GOLM1: variants seen among roughly 807,000 people sequenced by gnomAD.
The protein encoded by GOLM1 is epididymis luminal protein 46.
In GOLM1, 31 loss-of-function variants were observed where a neutral mutation model predicts 50.5. The observed-to-expected ratio is 0.61, with a 90% confidence interval of 0.46 to 0.83. The LOEUF is 0.83. Ranked by LOEUF, GOLM1 falls within the 40% of genes least tolerant of loss-of-function variation. The pLI, the probability that GOLM1 is intolerant of heterozygous loss-of-function variation, is 0.00. For synonymous variants in GOLM1, 178 were observed against 192.8 expected (o/e 0.92, Z 0.64); for missense variants, 491 against 501.3 (o/e 0.98, Z 0.20).
chr9:86,084,552 T>A (rs1157673213), intron 1 of GOLM1, among the ~76,000 whole-genome samples: 1 of 152,168 alleles, frequency 6.6e-6, no homozygotes, highest in Non-Finnish European at 1.5e-5. Flanking sequence ...CCAAGGTTAA[T>A]CTCTTAATTT....
chr9:86,042,918 G>A (rs1023160582), intron 5 of GOLM1, among the ~76,000 whole-genome samples: 1 of 152,178 alleles, frequency 6.6e-6, no homozygotes, highest in Non-Finnish European at 1.5e-5. Context: ...GAGGACTTAG[G>A]TTGGCTTTTT....
At chr9:86,045,695 TAC>T (rs771914212) in intron 5 of GOLM1, among the ~76,000 whole-genome samples, 81 of 147,386 alleles carry the variant, frequency 5.5e-4, no homozygotes, top group African/African-American at 1.1e-3. Context: ...AAAAAGTATA[TAC>T]ACACACACAC....
At chr9:86,041,988 G>C (rs1426540946) in intron 5 of GOLM1, among the ~76,000 whole-genome samples, 2 of 152,170 alleles carry the variant, frequency 1.3e-5, no homozygotes, top group Non-Finnish European at 1.5e-5. Context: ...ATGGTGGCGG[G>C]CTCCTGTAGT....
intron 3 of GOLM1, among the ~76,000 whole-genome samples, chr9:86,073,544 C>G (rs1834517489): frequency 6.6e-6 from 1 of 152,128 alleles, no homozygotes; most frequent in Non-Finnish European, 1.5e-5. Flanking sequence ...GTGCACAACT[C>G]CCCAGGTTGA....
At chr9:86,080,602 T>C (rs1048011179) in intron 1 of GOLM1, among the ~76,000 whole-genome samples, 2 of 152,066 alleles carry the variant, frequency 1.3e-5, no homozygotes, top group African/African-American at 4.8e-5. Flanking sequence ...TCTTTTCAGG[T>C]GGGTCACCAA....
chr9:86,048,406 G>A (rs1564345276), intron 4 of GOLM1, among the ~76,000 whole-genome samples: 1 of 152,156 alleles, frequency 6.6e-6, no homozygotes, highest in Non-Finnish European at 1.5e-5. Context: ...GGATGGCTGG[G>A]TCAAATGGTA....
At chr9:86,055,376 A>G (rs550602343) in intron 3 of GOLM1, among the ~76,000 whole-genome samples, 1 of 152,252 alleles carries the variant, frequency 6.6e-6, no homozygotes, top group South Asian at 2.1e-4. Context: ...ACTCTTGGAA[A>G]CAGCTCGCTC....
intron 5 of GOLM1, among the ~76,000 whole-genome samples, chr9:86,044,673 C>T (rs758033192): frequency 1.4e-4 from 21 of 152,088 alleles, no homozygotes; most frequent in Non-Finnish European, 2.8e-4. Flanking sequence ...AGAGGCTGGC[C>T]GGGCACAGTA....
intron 6 of GOLM1, among the ~76,000 whole-genome samples, chr9:86,040,515 G>A (rs1230767987): frequency 3.3e-5 from 5 of 152,234 alleles, no homozygotes; most frequent in South Asian, 2.1e-4. Context: ...CTTTAAATAC[G>A]ATAATTCCCG....
intron 1 of GOLM1, among the ~76,000 whole-genome samples, chr9:86,086,844 T>C (rs1211999885): frequency 1.3e-5 from 2 of 152,192 alleles, no homozygotes; most frequent in East Asian, 3.8e-4. Context: ...CATGCTGTTT[T>C]GGTTACTGTA....
chr9:86,027,657 C>A lies in GOLM1; in HGVS notation c.*160G>T. The A allele has an allele frequency of 2.1e-6, 3 of 1,398,404 alleles. No homozygotes were observed. The highest frequency in any genetic ancestry group is 2.8e-6 in the Non-Finnish European group (3 of 1,079,008). The allele number at this position is 1,398,404 out of a possible 1,614,324, so 86.6% of individuals were successfully genotyped here. A position where few individuals can be genotyped will look rare whatever the true frequency, so the allele number is the denominator to read the frequency against. On this transcript the variant is annotated 3_prime_UTR_variant, in exon 10 of 10. Coordinates refer to ENST00000388712, the MANE Select transcript of GOLM1 (RefSeq NM_016548.4). ...CCAAAAGCTGTTTAAAAGACCATTC[C>A]ATTTTTTCCTACACAAAGTGCATAC...
Position 86,027,547 on chromosome 9 carries a change from A to G in GOLM1, c.*270T>C, listed in dbSNP as rs1832824531. On this transcript the variant is annotated 3_prime_UTR_variant, in exon 10 of 10. Transcript: ENST00000388712. ...TGTCGCCAACACTTGAAGGAGAACT[A>G]TGTTCCAGTTTTGGTGTTGAACTTC... 3 of 1,244,658 alleles carry G rather than the reference A, an allele frequency of 2.4e-6. No individual in the cohort carries two copies. The highest frequency in any genetic ancestry group is 3.2e-4 in the Middle Eastern group (1 of 3,130). The allele number at this position is 1,244,658 out of a possible 1,614,324, so 77.1% of individuals were successfully genotyped here.
intron 4 of GOLM1, among the ~76,000 whole-genome samples, chr9:86,049,824 T>G (rs1425332500): frequency 2.0e-5 from 3 of 152,230 alleles, no homozygotes; most frequent in Non-Finnish European, 4.4e-5. Flanking sequence ...AGGGACAATT[T>G]GACTTCCTCT....
intron 1 of GOLM1, among the ~76,000 whole-genome samples, chr9:86,088,457 T>TATATATATATATATATATATA (rs1835058531): frequency 7.4e-6 from 1 of 134,888 alleles, no homozygotes; most frequent in African/African-American, 2.7e-5. Context: ...TATATATATA[T>TATATATATATATATATATATA]TTAGGATAGA....
chr9:86,027,535 TGAA>T lies in GOLM1; in HGVS notation c.*279_*281del, dbSNP rs1376245708. On this transcript the variant is annotated 3_prime_UTR_variant, in exon 10 of 10. Transcript: ENST00000388712. Reference sequence around the variant, plus strand: ...AGGAAGCCCCGCTGTCGCCAACACTTGAAGGAGAACTATGTTCCAGTTTTGGTG... The same window carrying T: ...AGGAAGCCCCGCTGTCGCCAACACTTGGAGAACTATGTTCCAGTTTTGGTG... The T allele has an allele frequency of 4.1e-6, 5 of 1,219,450 alleles. No individual in the cohort carries two copies. Among genetic ancestry groups the T allele is most frequent in the Middle Eastern group, 3.3e-4 (1 of 3,028 alleles). The allele number at this position is 1,219,450 out of a possible 1,614,324, so 75.5% of individuals were successfully genotyped here. A position where few individuals can be genotyped will look rare whatever the true frequency, so the allele number is the denominator to read the frequency against.
chr9:86,082,935 T>C (rs1274841816), intron 1 of GOLM1, among the ~76,000 whole-genome samples: 1 of 152,242 alleles, frequency 6.6e-6, no homozygotes, highest in Non-Finnish European at 1.5e-5. Context: ...GTGTATTTCT[T>C]AGTAACACAT....
chr9:86,084,217 T>C (rs1834879759), intron 1 of GOLM1, among the ~76,000 whole-genome samples: 1 of 152,202 alleles, frequency 6.6e-6, no homozygotes, highest in African/African-American at 2.4e-5. Flanking sequence ...TGTGGATCTA[T>C]TTCTGGGTCA....
rs537756100 is a variant in GOLM1, at chr9:86,079,447, G to T, written c.-21-106C>A. 11 of 884,808 alleles carry T rather than the reference G, an allele frequency of 1.2e-5. No homozygotes were observed. In the African/African-American group the frequency reaches 1.7e-4, roughly 13 times the overall value. 54.8% of individuals were successfully genotyped at this position (884,808 alleles called of 1,614,324 possible). On this transcript the variant is annotated intron_variant, in intron 1 of 9. Transcript: ENST00000388712. ...GAGGAAAGGAGTCTTGCCAAGAAGC[G>T]TGGGCTGGTAGCTTCTCCTTGACGT...
chr9:86,088,420 G>GTGTATATATATATATATATATATATATA (rs1157260470), intron 1 of GOLM1, among the ~76,000 whole-genome samples: 4 of 86,306 alleles, frequency 4.6e-5, no homozygotes, highest in African/African-American at 2.3e-4. Context: ...TTTGAAGGGT[G>GTGTATATATATATATATATATATATATA]TATATATATA....
Sources: gnomAD v4.1 joint callset for allele counts (sites outside exome capture counted in the v4.1 genomes callset) on GRCh38, gnomAD v4.1.1 for gene constraint, MANE v1.5 for transcripts, NCBI Gene and HGNC (gene_info 2026-07-23, HGNC 2026-07-21) for gene names.